The following NEK10 variants were observed in gnomAD, a reference collection of about 807,000 sequenced individuals.
The protein encoded by NEK10 is serine/threonine-protein kinase Nek10.
NEK10 carries 122 observed loss-of-function variants against 159.8 expected under a neutral mutation model. The observed-to-expected ratio is 0.76, with a 90% confidence interval of 0.66 to 0.89. The LOEUF (loss-of-function observed/expected upper bound fraction) is 0.89. Ranked by LOEUF, NEK10 falls within the 40% of genes least tolerant of loss-of-function variation. NEK10 has a pLI of 0.00. For synonymous variants in NEK10, 466 were observed against 457.1 expected, an observed-to-expected ratio of 1.02 and a Z score of -0.25; for missense variants, 1,342 against 1,323.1, an observed-to-expected ratio of 1.01 and a Z score of -0.22.
intron 29 of NEK10, among the ~76,000 whole-genome samples, chr3:27,170,008 T>C (rs531102965): frequency 6.6e-6 from 1 of 152,310 alleles, no homozygotes; most frequent in African/African-American, 2.4e-5. Flanking sequence ...ATGTCTCCTT[T>C]ATAGACTTCA....
rs141331589 is a variant in NEK10 at position 27,193,600 on chromosome 3, A to ATT, written c.2292-1360_2292-1359dup. 1.5e-3 allele frequency among the ~76,000 whole-genome samples: 82 copies of ATT among 55,080 alleles called. 4 individuals are homozygous for ATT. Among genetic ancestry groups the ATT allele is most frequent in the Non-Finnish European group, 2.2e-3 (71 of 32,848 alleles). The allele number at this position is 55,080 out of a possible 152,430, so 36.1% of individuals were successfully genotyped here. A position where few individuals can be genotyped will look rare whatever the true frequency, so the allele number is the denominator to read the frequency against. On this transcript the variant is annotated intron_variant, in intron 25 of 35. Transcript: ENST00000691995. ...TTGCTTATTTTATTCCATATGCTTG[A>ATT]TTTTTTTTTTTTTTTTTTTTTTTTT...
intron 32 of NEK10, among the ~76,000 whole-genome samples, chr3:27,127,478 A>G (rs548344665): frequency 4.8e-4 from 73 of 152,306 alleles, no homozygotes; most frequent in Non-Finnish European, 9.3e-4. Flanking sequence ...AATAGGAGCA[A>G]TAGGAGCCTA....
intron 32 of NEK10, among the ~76,000 whole-genome samples, chr3:27,127,219 A>T (rs1056001566): frequency 2.6e-5 from 4 of 152,116 alleles, no homozygotes; most frequent in Non-Finnish European, 4.4e-5. Flanking sequence ...ACAACATATC[A>T]TACTATCCGT....
At chr3:27,359,183 C>T (rs2149863714) in intron 1 of NEK10, among the ~76,000 whole-genome samples, 1 of 106,462 alleles carries the variant, frequency 9.4e-6, no homozygotes. Flanking sequence ...GCCTGGACAA[C>T]AGAATGAAAC....
At chr3:27,258,518 G>A (rs1378802297) in intron 22 of NEK10, among the ~76,000 whole-genome samples, 2 of 152,178 alleles carry the variant, frequency 1.3e-5, no homozygotes, top group Admixed American at 1.3e-4. Flanking sequence ...ATGGTTTCCA[G>A]CTTCATCCAT....
rs10525422 is a variant in NEK10 at position 27,282,538 on chromosome 3, T to TTATATATATA, written c.2014+2054_2014+2063dup. On this transcript the variant is annotated intron_variant, in intron 22 of 35. Transcript: ENST00000691995. ...TCTGTTGTATATATACATAAATGTG[T>TTATATATATA]TATATATATATATATATATATACAT... Among the ~76,000 whole-genome samples, 115 of 42,132 alleles carry TTATATATATA rather than the reference T, an allele frequency of 2.7e-3. 19 individuals are homozygous for TTATATATATA. The highest frequency in any genetic ancestry group is 8.3e-3 in the African/African-American group (96 of 11,528). The allele number at this position is 42,132 out of a possible 152,430, so 27.6% of individuals were successfully genotyped here. A position where few individuals can be genotyped will look rare whatever the true frequency, so the allele number is the denominator to read the frequency against.
chr3:27,282,639 G>GTTATATATATATACATAACTGTGTT (rs2042280862), intron 22 of NEK10, among the ~76,000 whole-genome samples: 1 of 104,300 alleles, frequency 9.6e-6, no homozygotes, highest in Non-Finnish European at 2.1e-5. Context: ...ACATAACTGT[G>GTTATATATATATACATAACTGTGTT]TTATATATAT....
intron 22 of NEK10, among the ~76,000 whole-genome samples, chr3:27,282,146 A>G (rs1356077655): frequency 6.6e-6 from 1 of 152,184 alleles, no homozygotes; most frequent in Non-Finnish European, 1.5e-5. Flanking sequence ...AAGAAGAAAG[A>G]AAACTAAATT....
intron 22 of NEK10, among the ~76,000 whole-genome samples, chr3:27,282,419 C>A (rs2042226804): frequency 6.6e-6 from 1 of 151,480 alleles, no homozygotes; most frequent in Admixed American, 6.6e-5. Flanking sequence ...GAAATGATTA[C>A]AGCTAATCTT....
chr3:27,111,471 A>G, intron 35 of NEK10, 151 bp from the exon 36 acceptor site: 1 of 618,134 alleles, frequency 1.6e-6, no homozygotes, highest in Non-Finnish European at 2.7e-6. Context: ...GACATTTTTA[A>G]AAAGCTGCCT....
At chr3:27,341,768 G>A (rs571243553) in intron 5 of NEK10, among the ~76,000 whole-genome samples, 22 of 152,262 alleles carry the variant, frequency 1.4e-4, no homozygotes, top group African/African-American at 5.3e-4. Context: ...GGAAAAGCTG[G>A]AGTTGGGGTA....
At chr3:27,126,577 A>T (rs1182113168) in intron 32 of NEK10, among the ~76,000 whole-genome samples, 1 of 152,172 alleles carries the variant, frequency 6.6e-6, no homozygotes, top group Admixed American at 6.6e-5. Flanking sequence ...CAGCAGCAGC[A>T]GCCATCACCT....
At chr3:27,217,947 A>G (rs1466487728) in intron 23 of NEK10, among the ~76,000 whole-genome samples, 1 of 152,194 alleles carries the variant, frequency 6.6e-6, no homozygotes, top group Non-Finnish European at 1.5e-5. Context: ...AGAGATTAAC[A>G]ATAACTAATA....
intron 23 of NEK10, among the ~76,000 whole-genome samples, chr3:27,243,717 T>C (rs1954780055): frequency 6.6e-6 from 1 of 152,164 alleles, no homozygotes; most frequent in Admixed American, 6.6e-5. Flanking sequence ...GTTCTGCAGC[T>C]CTGTGCTGGG....
chr3:27,222,281 G>C (rs1412396690), intron 23 of NEK10, among the ~76,000 whole-genome samples: 1 of 152,188 alleles, frequency 6.6e-6, no homozygotes, highest in African/African-American at 2.4e-5. Context: ...GCTGAGACGG[G>C]AGAATTACTT....
chr3:27,173,194 C>G (rs767698896), intron 28 of NEK10, among the ~76,000 whole-genome samples: 3 of 152,084 alleles, frequency 2.0e-5, no homozygotes, highest in Non-Finnish European at 4.4e-5. Context: ...CAAAAACAAC[C>G]CTGTTATTAA....
At chr3:27,319,649 G>A (rs2045474348) in intron 6 of NEK10, among the ~76,000 whole-genome samples, 1 of 152,200 alleles carries the variant, frequency 6.6e-6, no homozygotes, top group African/African-American at 2.4e-5. Context: ...TCAAGAGAAG[G>A]ACATTTTTAT....
At chr3:27,263,872 G>A (rs2040645843) in intron 22 of NEK10, among the ~76,000 whole-genome samples, 1 of 152,146 alleles carries the variant, frequency 6.6e-6, no homozygotes, top group Non-Finnish European at 1.5e-5. Flanking sequence ...CAGTACCTCA[G>A]TTGGAAATGC....
intron 23 of NEK10, among the ~76,000 whole-genome samples, chr3:27,254,529 T>C (rs1955978580): frequency 6.6e-6 from 1 of 152,126 alleles, no homozygotes; most frequent in Non-Finnish European, 1.5e-5. Flanking sequence ...TTCTTTTAAC[T>C]CCATACTCAG....
Sources: gnomAD v4.1 joint callset for allele counts (sites outside exome capture counted in the v4.1 genomes callset) on GRCh38, gnomAD v4.1.1 for gene constraint, MANE v1.5 for transcripts, NCBI Gene and HGNC (gene_info 2026-07-23, HGNC 2026-07-21) for gene names.